CAMTA1: variants seen among roughly 807,000 people sequenced by gnomAD.
CAMTA1 encodes the protein calmodulin binding transcription activator 1, also known as calmodulin-binding transcription activator 1.
Under a neutral mutation model 170.9 loss-of-function variants are expected in CAMTA1, and 27 were observed. The observed-to-expected ratio is 0.16, with a 90% confidence interval of 0.12 to 0.22. The LOEUF is 0.22. CAMTA1 is among the 10% of genes least tolerant of loss of function. CAMTA1 has a pLI of 1.00. For missense variants in CAMTA1, 1,619 were observed against 2,217.2 expected, an observed-to-expected ratio of 0.73 and a Z score of 5.42; for synonymous variants, 833 against 891.5, an observed-to-expected ratio of 0.93 and a Z score of 1.17.
intron 5 of CAMTA1, among the ~76,000 whole-genome samples, chr1:7,355,635 C>G (rs2085053381): frequency 6.6e-6 from 1 of 152,238 alleles, no homozygotes; most frequent in Admixed American, 6.5e-5. Flanking sequence ...CCAGGGCCAT[C>G]TTTTAAATAC....
intron 4 of CAMTA1, among the ~76,000 whole-genome samples, chr1:7,200,108 G>C (rs539779467): frequency 6.6e-6 from 1 of 151,966 alleles, no homozygotes; most frequent in Non-Finnish European, 1.5e-5. Flanking sequence ...TATATCATTC[G>C]CCAGATTTCA....
At chr1:6,988,965 G>A (rs561471245) in intron 3 of CAMTA1, among the ~76,000 whole-genome samples, 1 of 152,312 alleles carries the variant, frequency 6.6e-6, no homozygotes, top group African/African-American at 2.4e-5. Flanking sequence ...GCTCCTGGTA[G>A]TTTTCTTTGA....
intron 6 of CAMTA1, among the ~76,000 whole-genome samples, chr1:7,640,177 A>G (rs1178545711): frequency 6.6e-6 from 1 of 152,102 alleles, no homozygotes; most frequent in Non-Finnish European, 1.5e-5. Context: ...GGAGGGGCCT[A>G]ATGACATCTA....
intron 6 of CAMTA1, among the ~76,000 whole-genome samples, chr1:7,492,374 G>C (rs61111144): frequency 0.076 from 11,530 of 152,154 alleles, 931 homozygotes; most frequent in East Asian, 0.42. Context: ...AGCTGGCTCC[G>C]GCCTTTTGCA....
chr1:7,385,401 G>A lies in CAMTA1; in HGVS notation c.439-82429G>A, dbSNP rs144177502. ...AGCTGCTTAGACATTTGCTTTTGGCGTTTTACGTTTCAAGTTGAATCTGTT... is the reference window on the plus strand; with the variant it reads ...AGCTGCTTAGACATTTGCTTTTGGCATTTTACGTTTCAAGTTGAATCTGTT... On this transcript the variant is annotated intron_variant, in intron 5 of 22. Transcript: ENST00000303635. Among the ~76,000 whole-genome samples the A allele has an allele frequency of 1.6e-3, 243 of 152,290 alleles. 1 individual carries two copies. Among genetic ancestry groups the A allele is most frequent in the Middle Eastern group, 0.01 (3 of 294 alleles).
rs139671270 is a variant in CAMTA1 at position 7,181,148 on chromosome 1, A to G, written c.303-68343A>G. On this transcript the variant is annotated intron_variant, in intron 4 of 22. Coordinates refer to ENST00000303635, the MANE Select transcript of CAMTA1 (RefSeq NM_015215.4). Reference sequence around the variant, plus strand: ...TATTAAGGTATCTAAGGAAAAACATAATGATTATCTCCATAAATACTGAAA... The same window carrying G: ...TATTAAGGTATCTAAGGAAAAACATGATGATTATCTCCATAAATACTGAAA... Among the ~76,000 whole-genome samples the G allele has an allele frequency of 5.3e-3, 805 of 152,338 alleles. 3 individuals are homozygous for G. The highest frequency in any genetic ancestry group is 0.018 in the African/African-American group (743 of 41,574).
intron 16 of CAMTA1, among the ~76,000 whole-genome samples, chr1:7,743,541 T>C (rs2096833432): frequency 6.6e-6 from 1 of 152,120 alleles, no homozygotes; most frequent in African/African-American, 2.4e-5. Flanking sequence ...GTTTGCTTTT[T>C]CTAGACATTT....
intron 5 of CAMTA1, among the ~76,000 whole-genome samples, chr1:7,305,548 C>A (rs1225041470): frequency 1.3e-5 from 2 of 151,956 alleles, no homozygotes; most frequent in Non-Finnish European, 2.9e-5. Context: ...ACTTTTGAGA[C>A]CAGTACTTTC....
At chr1:7,733,810 G>A (rs947851324) in intron 12 of CAMTA1, among the ~76,000 whole-genome samples, 8 of 152,044 alleles carry the variant, frequency 5.3e-5, no homozygotes, top group Non-Finnish European at 1.0e-4. Flanking sequence ...TAAATAATAG[G>A]TTAAAAGAAC....
intron 4 of CAMTA1, among the ~76,000 whole-genome samples, chr1:7,111,626 C>A (rs2097514): frequency 2.0e-5 from 3 of 151,832 alleles, no homozygotes; most frequent in African/African-American, 7.3e-5. Flanking sequence ...TGGTTCACAC[C>A]TGTAATCCCA....
At chr1:7,472,121 T>A (rs1310553153) in intron 6 of CAMTA1, among the ~76,000 whole-genome samples, 1 of 151,830 alleles carries the variant, frequency 6.6e-6, no homozygotes, top group Non-Finnish European at 1.5e-5. Flanking sequence ...CTTGCTTGGG[T>A]GGAGGCAGCG....
chr1:7,601,229 T>C (rs2095439422), intron 6 of CAMTA1, among the ~76,000 whole-genome samples: 1 of 149,626 alleles, frequency 6.7e-6, no homozygotes, highest in African/African-American at 2.5e-5. Context: ...CCAGACGGGG[T>C]GGCTGCCGGG....
intron 4 of CAMTA1, among the ~76,000 whole-genome samples, chr1:7,145,253 C>G (rs1646115586): frequency 6.6e-6 from 1 of 152,254 alleles, no homozygotes; most frequent in Non-Finnish European, 1.5e-5. Context: ...CACCGCTCCT[C>G]TGCGGCTTAT....
chr1:7,322,693 T>G (rs1248418485), intron 5 of CAMTA1, among the ~76,000 whole-genome samples: 2 of 152,272 alleles, frequency 1.3e-5, no homozygotes, highest in African/African-American at 4.8e-5. Flanking sequence ...GGCATAAAGA[T>G]GTTTATAACA....
At chr1:7,445,095 G>A (rs1481428063) in intron 5 of CAMTA1, among the ~76,000 whole-genome samples, 1 of 151,402 alleles carries the variant, frequency 6.6e-6, no homozygotes, top group African/African-American at 2.4e-5. Flanking sequence ...CAGGTGGGAG[G>A]TGGGAGGGGT....
At chr1:7,447,435 G>T (rs1388391242) in intron 5 of CAMTA1, among the ~76,000 whole-genome samples, 1 of 130,604 alleles carries the variant, frequency 7.7e-6, no homozygotes, top group Non-Finnish European at 1.7e-5. Flanking sequence ...GGGGTGGGGG[G>T]TGAGGGGGTG....
At chr1:7,504,264 C>T (rs59055205) in intron 6 of CAMTA1, among the ~76,000 whole-genome samples, 3,904 of 152,316 alleles carry the variant, frequency 0.026, 155 homozygotes, top group African/African-American at 0.088. Flanking sequence ...CATGCAGCCA[C>T]GCTCACCTTC....
At chr1:7,434,075 C>T (rs760870396) in intron 5 of CAMTA1, among the ~76,000 whole-genome samples, 89 of 152,212 alleles carry the variant, frequency 5.8e-4, no homozygotes, top group Non-Finnish European at 1.0e-3. Flanking sequence ...AGAGTCCCTC[C>T]CCCACATCCC....
chr1:7,661,978 G>A (rs1576674581), intron 8 of CAMTA1, 112 bp downstream of exon 8: 2 of 1,304,636 alleles, frequency 1.5e-6, no homozygotes, highest in South Asian at 1.4e-5. Flanking sequence ...TGAGGGAGGA[G>A]GGGGACAGTC....
Sources: allele counts gnomAD v4.1 joint callset (sites outside exome capture counted in the v4.1 genomes callset), GRCh38; gene constraint gnomAD v4.1.1; transcripts MANE v1.5; gene names NCBI Gene and HGNC (gene_info 2026-07-23, HGNC 2026-07-21).